The following C3orf70 variants were observed in gnomAD, a reference collection of about 807,000 sequenced individuals.
C3orf70 encodes the protein chromosome 3 open reading frame 70.
Under a neutral mutation model 20.7 loss-of-function variants are expected in C3orf70, and 15 were observed. The ratio of observed to expected loss-of-function variants is 0.72; its 90% CI spans 0.48 to 1.11. C3orf70 has a LOEUF of 1.11. C3orf70 is among the 50% of genes most tolerant of loss of function. C3orf70 has a pLI of 0.00. For synonymous variants in C3orf70, 161 were observed against 125.7 expected, an observed-to-expected ratio of 1.28 and a Z score of -1.88; for missense variants, 332 against 317.6, an observed-to-expected ratio of 1.05 and a Z score of -0.34.
chr3:185,119,471 T>A (rs1716247279), intron 1 of C3orf70, among the ~76,000 whole-genome samples: 1 of 151,790 alleles, frequency 6.6e-6, no homozygotes, highest in East Asian at 1.9e-4. Context: ...GCCAACATGG[T>A]GAAACCCCGT....
At chr3:185,149,800 C>T (rs963186351) in intron 1 of C3orf70, among the ~76,000 whole-genome samples, 19 of 152,104 alleles carry the variant, frequency 1.2e-4, no homozygotes, top group African/African-American at 4.1e-4. Flanking sequence ...TGTGGAGAAC[C>T]GGAGGACTGC....
At chr3:185,117,575 T>G (rs1479666058) in intron 1 of C3orf70, among the ~76,000 whole-genome samples, 2 of 152,182 alleles carry the variant, frequency 1.3e-5, no homozygotes, top group Non-Finnish European at 2.9e-5. Flanking sequence ...AAGAAACAAG[T>G]AGATACAGCC....
chr3:185,131,744 T>C (rs1320744281), intron 1 of C3orf70, among the ~76,000 whole-genome samples: 1 of 152,254 alleles, frequency 6.6e-6, no homozygotes, highest in Non-Finnish European at 1.5e-5. Context: ...AAATTGAGCA[T>C]AATGTTTACT....
intron 1 of C3orf70, among the ~76,000 whole-genome samples, chr3:185,152,142 T>C (rs1234188163): frequency 2.0e-5 from 3 of 152,048 alleles, no homozygotes; most frequent in African/African-American, 7.2e-5. Context: ...GGGGAAACAA[T>C]TGGATATCCA....
chr3:185,152,813 GC>G lies in C3orf70; in HGVS notation c.10del (p.Ala4ArgfsTer15). 1 of 1,559,588 alleles carries G rather than the reference GC, an allele frequency of 6.4e-7. No homozygotes were observed. Among genetic ancestry groups the G allele is most frequent in the Non-Finnish European group, 8.7e-7 (1 of 1,150,940 alleles). The part of the protein sequence containing the change: MSA[A>X]ASPASERGWK... ...ACCCCGCTCCGACGCCGGCGAGGCC[GC>G]CGCACTCATTTCCTCTCCCTCCGCG... On this transcript the variant is annotated frameshift_variant, in exon 1 of 2. Coordinates refer to ENST00000335012, the MANE Select transcript of C3orf70 (RefSeq NM_001025266.3). LOFTEE classifies it high-confidence loss of function.
chr3:185,145,066 G>A (rs62289833), intron 1 of C3orf70, among the ~76,000 whole-genome samples: 9,070 of 152,266 alleles, frequency 0.06, 376 homozygotes, highest in South Asian at 0.11. Flanking sequence ...ATGTGTATAC[G>A]ATTCCCTATT....
chr3:185,101,637 G>A lies in C3orf70; in HGVS notation c.197-18074C>T, dbSNP rs918625114. On this transcript the variant is annotated intron_variant, in intron 1 of 1. Transcript: ENST00000335012. ...AGGTACATTTTCACATGGCTGGCAG[G>A]AGAGAAAGTGATGGAGGAGGTGCTA... Among the ~76,000 whole-genome samples, 9 of 152,290 alleles carry A rather than the reference G, an allele frequency of 5.9e-5. 1 individual carries two copies. Among genetic ancestry groups the A allele is most frequent in the African/African-American group, 2.2e-4 (9 of 41,570 alleles).
rs1381190860 is a variant in C3orf70, at chr3:185,080,487, T to C, written c.*2520A>G. Reference sequence around the variant, plus strand: ...GACTCCATTGGCTTAGTGGTGGGAATGTGGGCCTGTACGGAACATTGACAG... The same window carrying C: ...GACTCCATTGGCTTAGTGGTGGGAACGTGGGCCTGTACGGAACATTGACAG... On this transcript the variant is annotated 3_prime_UTR_variant, in exon 2 of 2. Transcript: ENST00000335012. The C allele has an allele frequency of 2.6e-5, 4 of 152,678 alleles. No homozygotes were observed. Among genetic ancestry groups the C allele is most frequent in the Non-Finnish European group, 5.9e-5 (4 of 68,068 alleles). 9.5% of individuals were successfully genotyped at this position (152,678 alleles called of 1,614,324 possible). A position where few individuals can be genotyped will look rare whatever the true frequency, so the allele number is the denominator to read the frequency against.
At chr3:185,096,063 AAC>A (rs1308367102) in intron 1 of C3orf70, among the ~76,000 whole-genome samples, 2 of 152,150 alleles carry the variant, frequency 1.3e-5, no homozygotes, top group African/African-American at 4.8e-5. Context: ...AACCATAATA[AAC>A]ACATTCAAGT....
chr3:185,148,643 T>C (rs543390607), intron 1 of C3orf70, among the ~76,000 whole-genome samples: 1 of 152,232 alleles, frequency 6.6e-6, no homozygotes, highest in Non-Finnish European at 1.5e-5. Flanking sequence ...AAAACGCCTC[T>C]TGAAAACCTT....
chr3:185,136,265 C>A (rs1293253321), intron 1 of C3orf70, among the ~76,000 whole-genome samples: 1 of 152,194 alleles, frequency 6.6e-6, no homozygotes, highest in Non-Finnish European at 1.5e-5. Context: ...TATCAGCAAT[C>A]CCAAATGTGT....
chr3:185,124,965 C>T (rs1442092687), intron 1 of C3orf70, among the ~76,000 whole-genome samples: 1 of 152,132 alleles, frequency 6.6e-6, no homozygotes, highest in African/African-American at 2.4e-5. Context: ...AATACTATAA[C>T]ACATATATTT....
intron 1 of C3orf70, among the ~76,000 whole-genome samples, chr3:185,139,508 A>G (rs11919577): frequency 0.12 from 18,738 of 150,844 alleles, 1,638 homozygotes; most frequent in African/African-American, 0.24. Context: ...AGCCGAGATC[A>G]TACCACTGCA....
intron 1 of C3orf70, among the ~76,000 whole-genome samples, chr3:185,144,555 T>A (rs1328837711): frequency 1.3e-5 from 2 of 152,216 alleles, no homozygotes; most frequent in Non-Finnish European, 2.9e-5. Context: ...CACTGCAACC[T>A]CCACCTCCCA....
At chr3:185,117,448 C>G (rs2063297) in intron 1 of C3orf70, among the ~76,000 whole-genome samples, 1,175 of 81,286 alleles carry the variant, frequency 0.014, 1 homozygote, top group East Asian at 0.051. Flanking sequence ...CACACACACA[C>G]ACAGAAAGAG....
intron 1 of C3orf70, among the ~76,000 whole-genome samples, chr3:185,136,909 AAAC>A (rs146226983): frequency 0.033 from 4,969 of 149,840 alleles, 90 homozygotes; most frequent in Middle Eastern, 0.076. Flanking sequence ...GACTGTCTCA[AAAC>A]AACAACAACA....
intron 1 of C3orf70, among the ~76,000 whole-genome samples, chr3:185,144,322 A>T (rs1716813290): frequency 6.6e-6 from 1 of 152,182 alleles, no homozygotes; most frequent in Non-Finnish European, 1.5e-5. Flanking sequence ...GGGAGAGCTC[A>T]TTCAAACACG....
At chr3:185,133,730 T>A (rs1467378225) in intron 1 of C3orf70, among the ~76,000 whole-genome samples, 3 of 152,014 alleles carry the variant, frequency 2.0e-5, no homozygotes, top group Non-Finnish European at 4.4e-5. Flanking sequence ...GGTGACAGAG[T>A]GAGACTTGTC....
intron 1 of C3orf70, among the ~76,000 whole-genome samples, chr3:185,098,632 AAT>A (rs71632049): frequency 0.058 from 8,907 of 152,312 alleles, 369 homozygotes; most frequent in South Asian, 0.1. Flanking sequence ...CAGAGAAAAA[AAT>A]GTATTCATAT....
Sources: gnomAD v4.1 joint callset for allele counts (sites outside exome capture counted in the v4.1 genomes callset) on GRCh38, gnomAD v4.1.1 for gene constraint, MANE v1.5 for transcripts, NCBI Gene and HGNC (gene_info 2026-07-23, HGNC 2026-07-21) for gene names.